Variants in OR6N1 observed in about 807,000 individuals in gnomAD.
OR6N1 encodes the protein olfactory receptor 6N1.
For synonymous variants in OR6N1, 170 were observed against 150.7 expected (o/e 1.13, Z -0.94); for missense variants, 394 against 371.7 (o/e 1.06, Z -0.49).
the OR6N1 span, among the ~76,000 whole-genome samples, chr1:158,801,509 G>T: frequency 3.9e-5 from 6 of 152,060 alleles, no homozygotes; most frequent in Non-Finnish European, 5.9e-5. Flanking sequence ...GTAAGCTAAG[G>T]CCCCTATATT....
chr1:158,798,492 A>G, the OR6N1 span, among the ~76,000 whole-genome samples: 1 of 151,712 alleles, frequency 6.6e-6, no homozygotes, highest in Non-Finnish European at 1.5e-5. Context: ...GTATGGAAGT[A>G]TTTTCTTTAA....
the OR6N1 span, among the ~76,000 whole-genome samples, chr1:158,833,765 G>A: frequency 6.6e-6 from 1 of 152,124 alleles, no homozygotes; most frequent in Non-Finnish European, 1.5e-5. Context: ...AAGGACACTT[G>A]TAATACTTTC....
the OR6N1 span, among the ~76,000 whole-genome samples, chr1:158,834,203 A>C: frequency 6.6e-6 from 1 of 151,922 alleles, no homozygotes; most frequent in East Asian, 1.9e-4. Context: ...AGCACCTTTG[A>C]AGAAATGTCT....
At chr1:158,834,995 A>G in the OR6N1 span, among the ~76,000 whole-genome samples, 311 of 152,300 alleles carry the variant, frequency 2.0e-3, 2 homozygotes, top group African/African-American at 6.9e-3. Flanking sequence ...TTATGCCAAT[A>G]CCACACTGTT....
the OR6N1 span, among the ~76,000 whole-genome samples, chr1:158,786,514 G>A: frequency 3.3e-5 from 5 of 152,068 alleles, no homozygotes; most frequent in Non-Finnish European, 7.4e-5. Flanking sequence ...CAAAGAAAAA[G>A]CAGTCATTAT....
At chr1:158,787,533 T>G in the OR6N1 span, among the ~76,000 whole-genome samples, 10 of 152,002 alleles carry the variant, frequency 6.6e-5, no homozygotes, top group African/African-American at 2.4e-4. Flanking sequence ...GTTTGGTCCA[T>G]GGGCCTTAGC....
the OR6N1 span, among the ~76,000 whole-genome samples, chr1:158,790,229 G>C: frequency 6.6e-6 from 1 of 151,972 alleles, no homozygotes; most frequent in Non-Finnish European, 1.5e-5. Flanking sequence ...ATGCTGTTTA[G>C]CTTGCTATAC....
At chr1:158,776,829 G>T, upstream of OR6N1, 4 of 1,614,112 alleles carry the variant, frequency 2.5e-6, no homozygotes, top group Non-Finnish European at 3.4e-6. Flanking sequence ...TTCGGTCAAG[G>T]GTCAGGGAAT....
At chr1:158,797,373 G>A in the OR6N1 span, among the ~76,000 whole-genome samples, 63 of 152,276 alleles carry the variant, frequency 4.1e-4, no homozygotes, top group Non-Finnish European at 7.6e-4. Flanking sequence ...AAATCGGGGG[G>A]AAAGCGTTAT....
At chr1:158,836,968 ATTGT>A in the OR6N1 span, among the ~76,000 whole-genome samples, 4 of 151,608 alleles carry the variant, frequency 2.6e-5, no homozygotes, top group African/African-American at 9.7e-5. Flanking sequence ...TACATGTTTC[ATTGT>A]TTGTGTTGTT....
At chr1:158,771,453 A>C (rs570394190) in intron 1 of OR6N1, among the ~76,000 whole-genome samples, 1 of 152,210 alleles carries the variant, frequency 6.6e-6, no homozygotes, top group Non-Finnish European at 1.5e-5. Context: ...TCAGTTACTC[A>C]TCTACTCCTA....
the OR6N1 span, among the ~76,000 whole-genome samples, chr1:158,797,789 C>T: frequency 6.6e-6 from 1 of 152,070 alleles, no homozygotes; most frequent in African/African-American, 2.4e-5. Flanking sequence ...GTTAGGCTAT[C>T]TTTGTAAAAT....
At chr1:158,833,760 C>G in the OR6N1 span, among the ~76,000 whole-genome samples, 1 of 152,134 alleles carries the variant, frequency 6.6e-6, no homozygotes, top group African/African-American at 2.4e-5. Context: ...CATTGAAGGA[C>G]ACTTGTAATA....
chr1:158,792,383 A>T, the OR6N1 span, among the ~76,000 whole-genome samples: 1 of 152,102 alleles, frequency 6.6e-6, no homozygotes, highest in African/African-American at 2.4e-5. Flanking sequence ...GAGCAATTAG[A>T]TCATTTACAT....
the OR6N1 span, among the ~76,000 whole-genome samples, chr1:158,778,815 C>T: frequency 6.6e-6 from 1 of 151,274 alleles, no homozygotes; most frequent in Non-Finnish European, 1.5e-5. Flanking sequence ...GAGATTGAGA[C>T]CATCCTGGCT....
At chr1:158,784,280 T>C in the OR6N1 span, among the ~76,000 whole-genome samples, 1 of 152,222 alleles carries the variant, frequency 6.6e-6, no homozygotes, top group Non-Finnish European at 1.5e-5. Context: ...CATCTTTCTT[T>C]TGTTTTATTT....
the OR6N1 span, among the ~76,000 whole-genome samples, chr1:158,789,911 C>A: frequency 1.3e-5 from 2 of 152,170 alleles, no homozygotes; most frequent in African/African-American, 4.8e-5. Flanking sequence ...AATCTTTGCC[C>A]AGGCCAATGC....
chr1:158,783,840 C>T, the OR6N1 span, among the ~76,000 whole-genome samples: 2 of 152,306 alleles, frequency 1.3e-5, no homozygotes, highest in Middle Eastern at 3.4e-3. Flanking sequence ...GGCGCGGTGG[C>T]TCACACCTGT....
the OR6N1 span, among the ~76,000 whole-genome samples, chr1:158,786,402 G>A: frequency 6.6e-6 from 1 of 152,188 alleles, no homozygotes; most frequent in Non-Finnish European, 1.5e-5. Context: ...TGACAGGAAT[G>A]TAAAGTAGTA....
Sources: gnomAD v4.1 joint callset for allele counts (sites outside exome capture counted in the v4.1 genomes callset) on GRCh38, gnomAD v4.1.1 for gene constraint, MANE v1.5 for transcripts, NCBI Gene and HGNC (gene_info 2026-07-23, HGNC 2026-07-21) for gene names.